Variants in ZNF469 observed in about 807,000 individuals in gnomAD.
ZNF469 encodes zinc finger protein 469.
A neutral mutation model predicts 1.0 loss-of-function variants in ZNF469; 1 was observed. The observed-to-expected ratio is 1.00, with a 90% CI of 0.35 to 4.73. The LOEUF (loss-of-function observed/expected upper bound fraction) is 4.73. Among genes scored for constraint, ZNF469 ranks in the 30% most tolerant of loss-of-function variants. The pLI is 0.16. For synonymous variants in ZNF469, 2,703 were observed against 2,363.4 expected (o/e 1.14, Z -4.17); for missense variants, 6,100 against 5,356.3 (o/e 1.14, Z -4.33).
At chr16:88,380,738 TCA>T (rs369729319), upstream of ZNF469, among the ~76,000 whole-genome samples, 94 of 124,656 alleles carry the variant, frequency 7.5e-4, no homozygotes, top group African/African-American at 1.1e-3. Context: ...AGACATGCAC[TCA>T]CACACAGACA....
intron 1 of ZNF469, among the ~76,000 whole-genome samples, chr16:88,406,743 G>T (rs939829993): frequency 2.0e-5 from 3 of 152,198 alleles, no homozygotes; most frequent in African/African-American, 7.2e-5. Context: ...GTGTGCGCCT[G>T]GGCATAGAGG....
the ZNF469 span, among the ~76,000 whole-genome samples, chr16:88,277,704 C>T: frequency 1.0e-5 from 1 of 97,148 alleles, no homozygotes; most frequent in Non-Finnish European, 2.2e-5. Flanking sequence ...TAGTGCTGCA[C>T]CACACTGACG....
the ZNF469 span, among the ~76,000 whole-genome samples, chr16:88,182,151 A>G: frequency 6.6e-6 from 1 of 152,198 alleles, no homozygotes; most frequent in African/African-American, 2.4e-5. Flanking sequence ...TGAAATACTT[A>G]ATGATAAATC....
At chr16:88,271,032 G>T in the ZNF469 span, among the ~76,000 whole-genome samples, 32 of 152,336 alleles carry the variant, frequency 2.1e-4, no homozygotes, top group African/African-American at 7.7e-4. Flanking sequence ...ATTCAGCTCA[G>T]TTGTTCACTG....
At chr16:88,270,222 ACC>A in the ZNF469 span, among the ~76,000 whole-genome samples, 1 of 151,408 alleles carries the variant, frequency 6.6e-6, no homozygotes, top group Non-Finnish European at 1.5e-5. Flanking sequence ...CCTGCTCCCC[ACC>A]CTGGGCCCAG....
At chr16:88,326,633 C>A in the ZNF469 span, among the ~76,000 whole-genome samples, 2 of 152,164 alleles carry the variant, frequency 1.3e-5, no homozygotes, top group African/African-American at 4.8e-5. Flanking sequence ...GAGGTCAGGA[C>A]CAGAGTGCCT....
the ZNF469 span, among the ~76,000 whole-genome samples, chr16:88,228,244 T>C: frequency 2.3e-4 from 35 of 152,372 alleles, no homozygotes; most frequent in Non-Finnish European, 3.4e-4. Flanking sequence ...CCTCGCTCCT[T>C]GGTGCTGCCT....
rs1906664252 is a variant in ZNF469 at position 88,437,367 on chromosome 16, C to T, written c.9897C>T (p.Ala3299=). The change falls in exon 3 of 3, where the codon GCC becomes GCT. Residue 3299 remains alanine, a synonymous_variant. Transcript: ENST00000565624. ...CCTCTGCCACCGCCCTGGCTGACGC[C>T]GGCAGCCCGGGCCCCCCCAGGACGA... The part of the protein sequence containing the change: ...DSASATALAD[A]GSPGPPRTTP... 3.9e-6 allele frequency: 6 copies of T among 1,540,686 alleles called. No homozygotes were observed. The highest frequency in any genetic ancestry group is 1.2e-5 in the South Asian group (1 of 83,336).
the ZNF469 span, among the ~76,000 whole-genome samples, chr16:88,249,999 A>G: frequency 6.6e-6 from 1 of 152,254 alleles, no homozygotes; most frequent in Non-Finnish European, 1.5e-5. Context: ...TCCTCAAGTG[A>G]AAATGTCGCT....
At chr16:88,208,350 T>C in the ZNF469 span, among the ~76,000 whole-genome samples, 2 of 150,924 alleles carry the variant, frequency 1.3e-5, no homozygotes, top group Non-Finnish European at 2.9e-5. Flanking sequence ...CATGAAGCCT[T>C]CTGTTCATGG....
At chr16:88,296,392 A>G in the ZNF469 span, among the ~76,000 whole-genome samples, 8 of 152,150 alleles carry the variant, frequency 5.3e-5, no homozygotes, top group East Asian at 1.4e-3. Context: ...AGGTGCACAT[A>G]CAGACACATA....
chr16:88,192,741 G>A, the ZNF469 span, among the ~76,000 whole-genome samples: 2 of 152,008 alleles, frequency 1.3e-5, no homozygotes, highest in African/African-American at 4.8e-5. Flanking sequence ...TGATAATGGT[G>A]GTGGTGACAG....
chr16:88,205,771 T>A, the ZNF469 span, among the ~76,000 whole-genome samples: 83 of 151,972 alleles, frequency 5.5e-4, no homozygotes, highest in African/African-American at 1.8e-3. This position sits in a 1 kb window ranked among gnomAD's most constrained non-coding sequence, Gnocchi z 4.2. Flanking sequence ...GGAAGCTGGG[T>A]TTTCTGAGCA....
the ZNF469 span, among the ~76,000 whole-genome samples, chr16:88,268,750 C>T: frequency 6.6e-6 from 1 of 152,192 alleles, no homozygotes; most frequent in South Asian, 2.1e-4. Context: ...GCCCGGGCCA[C>T]CATAACATTT....
At chr16:88,235,904 G>A in the ZNF469 span, among the ~76,000 whole-genome samples, 10 of 152,216 alleles carry the variant, frequency 6.6e-5, no homozygotes, top group African/African-American at 1.2e-4. Flanking sequence ...ACAGATGTGC[G>A]TTGGCTCTGC....
At chr16:88,232,958 T>C in the ZNF469 span, among the ~76,000 whole-genome samples, 1 of 152,184 alleles carries the variant, frequency 6.6e-6, no homozygotes, top group Non-Finnish European at 1.5e-5. Context: ...CATGGCCACC[T>C]CCAGCCGGGT....
chr16:88,109,555 A>G, the ZNF469 span, among the ~76,000 whole-genome samples: 243 of 101,526 alleles, frequency 2.4e-3, no homozygotes, highest in Middle Eastern at 0.015. Flanking sequence ...GGTGCTGAGC[A>G]TCTGTGTCCA....
the ZNF469 span, among the ~76,000 whole-genome samples, chr16:88,368,268 A>G: frequency 2.0e-5 from 3 of 152,222 alleles, no homozygotes; most frequent in Admixed American, 1.3e-4. Flanking sequence ...ACGGGCAGAT[A>G]CTGAGGAGGG....
the ZNF469 span, among the ~76,000 whole-genome samples, chr16:88,320,964 G>GTGAA: frequency 6.6e-6 from 1 of 152,242 alleles, no homozygotes; most frequent in Non-Finnish European, 1.5e-5. Flanking sequence ...GAATGAATGA[G>GTGAA]TGAATGGATA....
Sources: allele counts gnomAD v4.1 joint callset (sites outside exome capture counted in the v4.1 genomes callset), GRCh38; gene constraint gnomAD v4.1.1; non-coding constraint Gnocchi (gnomAD v3.1); transcripts MANE v1.5; gene names NCBI Gene and HGNC (gene_info 2026-07-23, HGNC 2026-07-21).